Variants in GABRG3 observed in about 807,000 individuals in gnomAD.
The protein encoded by GABRG3 is gamma-aminobutyric acid type A receptor subunit gamma3.
GABRG3 carries 25 observed loss-of-function variants against 48.8 expected under a neutral mutation model. That is an observed-to-expected ratio of 0.51 (90% CI 0.37 to 0.72). The LOEUF is 0.72. GABRG3 is among the 30% of genes least tolerant of loss of function. GABRG3 has a pLI of 0.00. For synonymous variants in GABRG3, 227 were observed against 217.6 expected, an observed-to-expected ratio of 1.04 and a Z score of -0.38; for missense variants, 394 against 577.9, an observed-to-expected ratio of 0.68 and a Z score of 3.26.
intron 5 of GABRG3, among the ~76,000 whole-genome samples, chr15:27,357,531 A>T (rs189595348): frequency 1.3e-5 from 2 of 152,352 alleles, no homozygotes; most frequent in Admixed American, 1.3e-4. Context: ...TCTAAATATA[A>T]TAAAAAGCCT....
intron 3 of GABRG3, among the ~76,000 whole-genome samples, chr15:27,225,896 G>C (rs1889596782): frequency 6.6e-6 from 1 of 152,164 alleles, no homozygotes; most frequent in African/African-American, 2.4e-5. Flanking sequence ...CAGGGGAGGA[G>C]GAGGAGCCCA....
intron 3 of GABRG3, among the ~76,000 whole-genome samples, chr15:27,308,394 T>TA (rs1892815054): frequency 7.2e-6 from 1 of 139,844 alleles, no homozygotes; most frequent in African/African-American, 2.8e-5. Context: ...TATATAAACA[T>TA]ATAATATAAA....
intron 3 of GABRG3, among the ~76,000 whole-genome samples, chr15:27,162,472 A>G (rs1249183070): frequency 6.6e-6 from 1 of 152,198 alleles, no homozygotes; most frequent in Admixed American, 6.5e-5. Flanking sequence ...GCCACTGTGC[A>G]GCTTTGGTCC....
At chr15:27,022,533 T>C (rs1566911658) in intron 2 of GABRG3, among the ~76,000 whole-genome samples, 1 of 152,204 alleles carries the variant, frequency 6.6e-6, no homozygotes, top group Non-Finnish European at 1.5e-5. Context: ...AATGTGATTT[T>C]ACCTGTCAAG....
At chr15:26,992,679 T>C (rs1285883377) in intron 2 of GABRG3, among the ~76,000 whole-genome samples, 1 of 151,780 alleles carries the variant, frequency 6.6e-6, no homozygotes, top group Non-Finnish European at 1.5e-5. Flanking sequence ...TGTAGTTTTC[T>C]TTTTTTTGAT....
At chr15:27,002,857 T>C (rs1895479898) in intron 2 of GABRG3, among the ~76,000 whole-genome samples, 1 of 151,704 alleles carries the variant, frequency 6.6e-6, no homozygotes, top group Admixed American at 6.6e-5. Flanking sequence ...CCCAGCTACT[T>C]GGGAGGCTGA....
intron 2 of GABRG3, among the ~76,000 whole-genome samples, chr15:27,017,860 T>G (rs1456098157): frequency 1.3e-5 from 2 of 152,198 alleles, no homozygotes; most frequent in Admixed American, 1.3e-4. Context: ...TCTGCCATCT[T>G]GCTGGTGTCA....
At chr15:27,246,175 A>G (rs941822393) in intron 3 of GABRG3, among the ~76,000 whole-genome samples, 1 of 152,220 alleles carries the variant, frequency 6.6e-6, no homozygotes, top group Non-Finnish European at 1.5e-5. Context: ...TGGAGGAGGC[A>G]GATATCCAAA....
intron 3 of GABRG3, among the ~76,000 whole-genome samples, chr15:27,308,366 C>CAT (rs370601029): frequency 0.58 from 74,442 of 129,280 alleles, 22,702 homozygotes; most frequent in Non-Finnish European, 0.62. Context: ...TATATATAAA[C>CAT]ATATAAACAT....
intron 3 of GABRG3, among the ~76,000 whole-genome samples, chr15:27,221,268 G>T (rs1168538163): frequency 2.0e-5 from 3 of 152,012 alleles, no homozygotes; most frequent in Admixed American, 6.6e-5. Flanking sequence ...ACAGTGTGCT[G>T]ATCTGGTAGA....
chr15:27,507,513 A>G (rs958930918), intron 6 of GABRG3, among the ~76,000 whole-genome samples: 2 of 152,232 alleles, frequency 1.3e-5, no homozygotes, highest in South Asian at 2.1e-4. Context: ...TAAAAAATAA[A>G]AATAATAAAT....
At chr15:27,201,648 C>A (rs2140429175) in intron 3 of GABRG3, among the ~76,000 whole-genome samples, 1 of 152,234 alleles carries the variant, frequency 6.6e-6, no homozygotes, top group Non-Finnish European at 1.5e-5. Context: ...TGTGTAGGAG[C>A]TGACTTCAGC....
At chr15:27,311,011 C>A (rs1327345211) in intron 3 of GABRG3, among the ~76,000 whole-genome samples, 1 of 152,156 alleles carries the variant, frequency 6.6e-6, no homozygotes, top group East Asian at 1.9e-4. Context: ...AATAAAACTT[C>A]TGAACATAAA....
chr15:26,998,626 G>A (rs1209925469), intron 2 of GABRG3, among the ~76,000 whole-genome samples: 4 of 152,174 alleles, frequency 2.6e-5, no homozygotes, highest in African/African-American at 9.7e-5. Flanking sequence ...ATGCCTGGCT[G>A]GAATAGAACT....
chr15:27,322,456 A>G (rs529675196), intron 3 of GABRG3, among the ~76,000 whole-genome samples: 1 of 152,300 alleles, frequency 6.6e-6, no homozygotes, highest in South Asian at 2.1e-4. Context: ...AGTCCTTCCA[A>G]TAATGGAAGA....
At chr15:27,203,491 T>C (rs1453449298) in intron 3 of GABRG3, among the ~76,000 whole-genome samples, 3 of 152,210 alleles carry the variant, frequency 2.0e-5, no homozygotes, top group Non-Finnish European at 2.9e-5. Flanking sequence ...TGAATAGTGC[T>C]GTGATGAACA....
At chr15:27,351,072 TATG>T (rs1184352215) in intron 5 of GABRG3, among the ~76,000 whole-genome samples, 5 of 150,014 alleles carry the variant, frequency 3.3e-5, no homozygotes, top group African/African-American at 1.2e-4. Flanking sequence ...GTGTGTATGG[TATG>T]TGTGTGTATA....
intron 5 of GABRG3, among the ~76,000 whole-genome samples, chr15:27,331,684 G>A (rs1893807272): frequency 6.6e-6 from 1 of 152,196 alleles, no homozygotes; most frequent in East Asian, 1.9e-4. Flanking sequence ...CACTAAGAAT[G>A]AATGCTAAAA....
At chr15:27,296,350 G>C (rs2140489747) in intron 3 of GABRG3, among the ~76,000 whole-genome samples, 1 of 152,268 alleles carries the variant, frequency 6.6e-6, no homozygotes, top group East Asian at 1.9e-4. Flanking sequence ...ATATAGAAAT[G>C]TCATATACAA....
Sources: allele counts gnomAD v4.1 joint callset (sites outside exome capture counted in the v4.1 genomes callset), GRCh38; gene constraint gnomAD v4.1.1; transcripts MANE v1.5; gene names NCBI Gene and HGNC (gene_info 2026-07-23, HGNC 2026-07-21).